The following NRXN1 variants were observed in gnomAD, a reference collection of about 807,000 sequenced individuals.
NRXN1 encodes neurexin-1.
In NRXN1, 39 loss-of-function variants were observed where a neutral mutation model predicts 150.9. The ratio of observed to expected loss-of-function variants is 0.26; its 90% CI spans 0.20 to 0.34. NRXN1 has a LOEUF of 0.34. Among genes scored for constraint, NRXN1 ranks in the 10% least tolerant of loss-of-function variants. The pLI, the probability that NRXN1 is intolerant of heterozygous loss-of-function variation, is 1.00. For missense variants in NRXN1, 1,815 were observed against 1,949.9 expected (o/e 0.93, Z 1.30); for synonymous variants, 924 against 757.0 (o/e 1.22, Z -3.62).
intron 8 of NRXN1, among the ~76,000 whole-genome samples, chr2:50,616,939 CTGTTAAGAGAGATT>C (rs1369108429): frequency 6.6e-6 from 1 of 152,198 alleles, no homozygotes; most frequent in South Asian, 2.1e-4. Context: ...ATAGATTTTA[CTGTTAAGAGAGATT>C]CTGTGAGAAT....
intron 17 of NRXN1, among the ~76,000 whole-genome samples, chr2:50,389,373 G>A (rs1380692813): frequency 6.6e-6 from 1 of 150,684 alleles, no homozygotes; most frequent in Non-Finnish European, 1.5e-5. Flanking sequence ...GAGAAAGAAA[G>A]TTAGACAATA....
intron 5 of NRXN1, among the ~76,000 whole-genome samples, chr2:50,636,103 C>T (rs567597755): frequency 2.1e-4 from 32 of 152,104 alleles, no homozygotes; most frequent in Middle Eastern, 3.4e-3. Flanking sequence ...ATTCTAGGAG[C>T]ACTTGGTTAA....
intron 5 of NRXN1, among the ~76,000 whole-genome samples, chr2:50,627,724 A>G (rs1645818852): frequency 6.6e-6 from 1 of 151,682 alleles, no homozygotes; most frequent in Non-Finnish European, 1.5e-5. Flanking sequence ...GGAGCCTTAA[A>G]GACAATCCTG....
intron 17 of NRXN1, among the ~76,000 whole-genome samples, chr2:50,441,489 A>G (rs1271304605): frequency 6.6e-6 from 1 of 152,166 alleles, no homozygotes; most frequent in Non-Finnish European, 1.5e-5. Context: ...AATTCACCCT[A>G]TAATTTTAAT....
intron 22 of NRXN1, among the ~76,000 whole-genome samples, chr2:49,936,608 T>G (rs1348284709): frequency 6.6e-6 from 1 of 152,074 alleles, no homozygotes; most frequent in African/African-American, 2.4e-5. Flanking sequence ...TCAAATTAGT[T>G]CTATATAATT....
chr2:50,768,437 T>G (rs1702609490), intron 5 of NRXN1, among the ~76,000 whole-genome samples: 1 of 151,506 alleles, frequency 6.6e-6, no homozygotes, highest in African/African-American at 2.4e-5. Flanking sequence ...ACCTCCTGAG[T>G]AGCTAGGACT....
intron 9 of NRXN1, among the ~76,000 whole-genome samples, chr2:50,552,170 G>T (rs565020797): frequency 5.3e-5 from 8 of 152,048 alleles, no homozygotes; most frequent in Non-Finnish European, 1.2e-4. Context: ...GCCAAACTAA[G>T]GATTTTATGT....
In NRXN1 at chr2:50,538,427, G is replaced by T. The variant is rs200844126; in HGVS notation, c.1969C>A (p.Arg657=). The T allele has an allele frequency of 6.2e-7, 1 of 1,613,910 alleles. No individual in the cohort carries two copies. Among genetic ancestry groups the T allele is most frequent in the Non-Finnish European group, 8.5e-7 (1 of 1,179,866 alleles). The change falls in exon 10 of 23, where the codon CGG becomes AGG. Residue 657 remains arginine, a synonymous_variant. Coordinates refer to ENST00000401669, the MANE Select transcript of NRXN1 (RefSeq NM_001330078.2). ...LFIDGQSKDI[R]QMAEVQSTAG... is the part of the protein sequence containing the mutation. ...GTACTTTGAACTTCAGCCATTTGCC[G>T]GATATCTTTGCTTTGGCCATCGATG... is the stretch of plus-strand genomic sequence containing the variant.
At chr2:50,367,682 G>A (rs2079690157) in intron 17 of NRXN1, among the ~76,000 whole-genome samples, 1 of 151,926 alleles carries the variant, frequency 6.6e-6, no homozygotes. Flanking sequence ...AAATGGCCCT[G>A]CAAATGGAAT....
intron 5 of NRXN1, among the ~76,000 whole-genome samples, chr2:50,872,236 GGAGA>G (rs1677888350): frequency 1.3e-5 from 2 of 151,732 alleles, no homozygotes; most frequent in African/African-American, 4.8e-5. Context: ...CGATTTTGTG[GGAGA>G]GAGAGATGTG....
chr2:50,700,047 T>C (rs1459096609), intron 5 of NRXN1, among the ~76,000 whole-genome samples: 2 of 152,178 alleles, frequency 1.3e-5, no homozygotes, highest in Admixed American at 1.3e-4. Context: ...GAAGAACTAA[T>C]AGTCTTTAAA....
intron 8 of NRXN1, among the ~76,000 whole-genome samples, chr2:50,614,778 G>C (rs990664190): frequency 1.4e-5 from 2 of 144,076 alleles, no homozygotes; most frequent in Non-Finnish European, 3.0e-5. Context: ...AATTTGATGA[G>C]GATGGTCAAC....
chr2:50,147,234 G>A (rs991451015), intron 18 of NRXN1, among the ~76,000 whole-genome samples: 1 of 151,656 alleles, frequency 6.6e-6, no homozygotes, highest in Non-Finnish European at 1.5e-5. Context: ...CTAGAGTAAT[G>A]ATGTATTTTT....
At chr2:50,135,025 G>A (rs1706177043) in intron 18 of NRXN1, among the ~76,000 whole-genome samples, 1 of 152,170 alleles carries the variant, frequency 6.6e-6, no homozygotes, top group Admixed American at 6.5e-5. Context: ...TTTCAGACAA[G>A]AAAGCAAGAA....
At chr2:50,495,680 C>T (rs558497566) in intron 15 of NRXN1, among the ~76,000 whole-genome samples, 2 of 152,192 alleles carry the variant, frequency 1.3e-5, no homozygotes, top group South Asian at 4.1e-4. Flanking sequence ...ATCATGCATG[C>T]TTCCTTAGGT....
intron 17 of NRXN1, among the ~76,000 whole-genome samples, chr2:50,333,798 T>C (rs781219204): frequency 3.3e-5 from 5 of 152,074 alleles, no homozygotes; most frequent in South Asian, 2.1e-4. Context: ...TCTGCATTCT[T>C]GGCACTCAGT....
intron 2 of NRXN1, among the ~76,000 whole-genome samples, chr2:50,967,576 G>A (rs1342993495): frequency 6.6e-6 from 1 of 151,982 alleles, no homozygotes; most frequent in Non-Finnish European, 1.5e-5. Context: ...CCCAAAATAT[G>A]GAACAGGGCA....
chr2:50,828,221 G>T (rs554754508), intron 5 of NRXN1, among the ~76,000 whole-genome samples: 1 of 150,684 alleles, frequency 6.6e-6, no homozygotes, highest in South Asian at 2.1e-4. Flanking sequence ...CGGGGCGGCC[G>T]GGCAGAGGCA....
intron 18 of NRXN1, among the ~76,000 whole-genome samples, chr2:50,113,651 G>A (rs1272919578): frequency 1.3e-5 from 2 of 152,116 alleles, no homozygotes; most frequent in Admixed American, 1.3e-4. Flanking sequence ...TATGGAAAAT[G>A]TATGTTCAAT....
Sources: gnomAD v4.1 joint callset for allele counts (sites outside exome capture counted in the v4.1 genomes callset) on GRCh38, gnomAD v4.1.1 for gene constraint, MANE v1.5 for transcripts, NCBI Gene and HGNC (gene_info 2026-07-23, HGNC 2026-07-21) for gene names.